EXOC3L4: variants seen among roughly 807,000 people sequenced by gnomAD.
EXOC3L4 encodes the protein exocyst complex component 3-like protein 4.
A neutral mutation model predicts 69.7 loss-of-function variants in EXOC3L4; 62 were observed. The observed-to-expected ratio is 0.89, with a 90% CI of 0.72 to 1.10. EXOC3L4 has a LOEUF of 1.10. Ranked by LOEUF, EXOC3L4 falls within the 50% of genes least tolerant of loss-of-function variation. The pLI is 0.00. For synonymous variants in EXOC3L4, 502 were observed against 464.2 expected (o/e 1.08, Z -1.05); for missense variants, 1,087 against 1,034.8 (o/e 1.05, Z -0.69).
chr14:103,108,306 G>A lies in EXOC3L4; in HGVS notation c.1855-90G>A, dbSNP rs1206367250. The A allele has an allele frequency of 7.2e-6, 11 of 1,535,218 alleles. No individual in the cohort carries two copies. In the East Asian group the frequency reaches 2.5e-4, roughly 35 times the overall value. Reference sequence around the variant, plus strand: ...ACAGGAGGGCTGACGCTGCGGGAGGGCTGACCTCGCACTGACCTCGCGCTC... The same window carrying A: ...ACAGGAGGGCTGACGCTGCGGGAGGACTGACCTCGCACTGACCTCGCGCTC... On this transcript the variant is annotated intron_variant, in intron 10 of 11. Transcript: ENST00000688303.
Position 103,103,789 on chromosome 14 carries a change from C to CGTGTGTGTGTGT in EXOC3L4, c.1050-151_1050-150insTGTGTGTGTGTG, listed in dbSNP as rs1434118475. On this transcript the variant is annotated intron_variant, in intron 3 of 11. Coordinates refer to ENST00000688303, the MANE Select transcript of EXOC3L4 (RefSeq NM_001077594.2). ...GGGGTGTGGCATGGCAGCCTAGAGG[C>CGTGTGTGTGTGT]GCGCGCGCGTGTGTGTGTGTGTGTG... 13 of 461,166 alleles carry CGTGTGTGTGTGT rather than the reference C, an allele frequency of 2.8e-5. No homozygotes were observed. In the African/African-American group the frequency reaches 3.2e-4, roughly 11 times the overall value. 28.6% of individuals were successfully genotyped at this position (461,166 alleles called of 1,614,324 possible).
chr14:103,104,643 C>T lies in EXOC3L4; in HGVS notation c.1285-95C>T, dbSNP rs71417838. 2.0e-4 allele frequency: 154 copies of T among 753,302 alleles called. 1 individual carries two copies. The highest frequency in any genetic ancestry group is 2.7e-4 in the Non-Finnish European group (149 of 561,424). 46.7% of individuals were successfully genotyped at this position (753,302 alleles called of 1,614,324 possible). ...GAGGGGCCAAGACTGACAGGCACAG[C>T]GGGGCGGGCTGGAGGCGCAGCGGGG... On this transcript the variant is annotated intron_variant, in intron 5 of 11. Coordinates refer to ENST00000688303, the MANE Select transcript of EXOC3L4 (RefSeq NM_001077594.2).
At chr14:103,096,728 C>T (rs1402114465) in intron 1 of EXOC3L4, among the ~76,000 whole-genome samples, 2 of 152,244 alleles carry the variant, frequency 1.3e-5, no homozygotes, top group African/African-American at 4.8e-5. Flanking sequence ...CCAGCTAGTT[C>T]TGTCTCAGTC....
chr14:103,102,044 T>C, intron 2 of EXOC3L4, 74 bp from the exon 3 acceptor site: 1 of 1,452,422 alleles, frequency 6.9e-7, no homozygotes, highest in Non-Finnish European at 9.3e-7. Context: ...GATTGAGCCG[T>C]GGCCTGCAGG....
intron 3 of EXOC3L4, 177 bp from the exon 4 acceptor site, chr14:103,103,764 G>C (rs1890352548): frequency 1.7e-5 from 9 of 530,222 alleles, no homozygotes; most frequent in Middle Eastern, 3.8e-4. Context: ...TTCCCGGGAG[G>C]GGGTGTGGCA....
chr14:103,110,469 G>C lies in EXOC3L4; in HGVS notation c.*246G>C, dbSNP rs1335419397. 11 of 636,242 alleles carry C rather than the reference G, an allele frequency of 1.7e-5. No homozygotes were observed. The highest frequency in any genetic ancestry group is 5.4e-5 in the African/African-American group (3 of 55,094). The allele number at this position is 636,242 out of a possible 1,614,324, so 39.4% of individuals were successfully genotyped here. On this transcript the variant is annotated 3_prime_UTR_variant, in exon 12 of 12. Transcript: ENST00000688303. Reference sequence around the variant, plus strand: ...GCTCTCAATGCTGCCTATCGGGCGGGGGGGGGCCTCCCGCCCGACTGTCCA... The same window carrying C: ...GCTCTCAATGCTGCCTATCGGGCGGCGGGGGGCCTCCCGCCCGACTGTCCA...
chr14:103,108,645 T>C, intron 11 of EXOC3L4, 128 bp downstream of exon 11: 1 of 1,313,446 alleles, frequency 7.6e-7, no homozygotes, highest in Non-Finnish European at 1.0e-6. Context: ...GAGGTAGGCC[T>C]TGGACCCTCA....
intron 10 of EXOC3L4, 102 bp downstream of exon 10, chr14:103,107,885 T>C: frequency 1.4e-6 from 2 of 1,401,590 alleles, no homozygotes; most frequent in Non-Finnish European, 1.9e-6. Context: ...GGAGTGGTTC[T>C]CCCCACTCTG....
chr14:103,110,305 C>T lies in EXOC3L4; in HGVS notation c.*82C>T. ...TCAGCCAGGAGCCCAGGGAGTCACT[C>T]TGGGCCCTGCCCCCAACTCTGACAC... On this transcript the variant is annotated 3_prime_UTR_variant, in exon 12 of 12. Coordinates refer to ENST00000688303, the MANE Select transcript of EXOC3L4 (RefSeq NM_001077594.2). 1 of 1,449,122 alleles carries T rather than the reference C, an allele frequency of 6.9e-7. No individual in the cohort carries two copies. Among genetic ancestry groups the T allele is most frequent in the Admixed American group, 2.0e-5 (1 of 48,870 alleles). The allele number at this position is 1,449,122 out of a possible 1,614,324, so 89.8% of individuals were successfully genotyped here. A position where few individuals can be genotyped will look rare whatever the true frequency, so the allele number is the denominator to read the frequency against.
Position 103,106,944 on chromosome 14 carries a change from G to T in EXOC3L4, c.1581+45G>T, listed in dbSNP as rs373163896. 6.4e-5 allele frequency: 92 copies of T among 1,441,246 alleles called. No homozygotes were observed. In the African/African-American group the frequency reaches 1.2e-3, roughly 18 times the overall value. 89.3% of individuals were successfully genotyped at this position (1,441,246 alleles called of 1,614,324 possible). A position where few individuals can be genotyped will look rare whatever the true frequency, so the allele number is the denominator to read the frequency against. On this transcript the variant is annotated intron_variant, in intron 8 of 11. Coordinates refer to ENST00000688303, the MANE Select transcript of EXOC3L4 (RefSeq NM_001077594.2). ...TCTCCCTACTTCCCATGCCCAGCAG[G>T]CACCCCCTATTTCCTAGAGCCTGGG...
intron 1 of EXOC3L4, among the ~76,000 whole-genome samples, chr14:103,095,472 A>C (rs1276738761): frequency 6.6e-5 from 10 of 151,914 alleles, no homozygotes; most frequent in Admixed American, 6.5e-4. Flanking sequence ...CTGAGCCTTC[A>C]ATGAGTTGAC....
rs1329298088 is a variant in EXOC3L4, at chr14:103,104,364, C to A, written c.1259C>A (p.Ala420Glu). 6.3e-7 allele frequency: 1 copy of A among 1,585,434 alleles called. No homozygotes were observed. Among genetic ancestry groups the A allele is most frequent in the Non-Finnish European group, 8.6e-7 (1 of 1,167,290 alleles). Residue 420 changes from alanine to glutamate, a missense_variant, in exon 5 of 12, where the codon GCG (alanine) becomes GAG (glutamate). Ala to Glu is a moderately radical substitution (Grantham distance 107). Coordinates refer to ENST00000688303, the MANE Select transcript of EXOC3L4 (RefSeq NM_001077594.2). ...GAGGTGCTGCAGGGCCTCTACCAGG[C>A]GCCGCTGTCCATGGACGTCCATATG... ...VPEVLQGLYQ[A>E]PLSMDVHMLV...
intron 1 of EXOC3L4, chr14:103,098,861 C>T (rs1457377989): frequency 6.6e-6 from 1 of 152,264 alleles, no homozygotes; most frequent in Non-Finnish European, 1.5e-5. Context: ...ACTTGACTGT[C>T]TCTCCTTCCT....
In EXOC3L4 at chr14:103,103,889, G is replaced by C. The variant is rs1199847512; in HGVS notation, c.1050-52G>C. On this transcript the variant is annotated intron_variant, in intron 3 of 11. Transcript: ENST00000688303. The stretch of plus-strand genomic sequence containing the variant: ...TGAGCCTGGCCAGAAGAGGGGCAGC[G>C]GCTGCCGCATCAGAGCCGCTCCCGC... 2.9e-5 allele frequency: 38 copies of C among 1,316,660 alleles called. No individual in the cohort carries two copies. The East Asian group carries it at 9.7e-4, about 33-fold the overall frequency. The allele number at this position is 1,316,660 out of a possible 1,614,324, so 81.6% of individuals were successfully genotyped here.
At chr14:103,103,362 A>AAAAAAAG (rs1340601092) in intron 3 of EXOC3L4, among the ~76,000 whole-genome samples, 12 of 149,756 alleles carry the variant, frequency 8.0e-5, no homozygotes, top group Non-Finnish European at 1.6e-4. Context: ...CTCAAAAAAA[A>AAAAAAAG]AAAAAAAAAG....
intron 9 of EXOC3L4, 37 bp downstream of exon 9, chr14:103,107,580 C>A (rs1209218379): frequency 1.2e-6 from 2 of 1,611,826 alleles, no homozygotes; most frequent in African/African-American, 2.7e-5. Flanking sequence ...GGGCTGTGCC[C>A]AGGATTGGGG....
Position 103,097,673 on chromosome 14 carries a change from C to T in EXOC3L4, c.-16-2531C>T, listed in dbSNP as rs1380842898. 2.0e-5 allele frequency among the ~76,000 whole-genome samples: 3 copies of T among 152,160 alleles called. No individual in the cohort carries two copies. Among genetic ancestry groups the T allele is most frequent in the Admixed American group, 1.3e-4 (2 of 15,286 alleles). On this transcript the variant is annotated intron_variant, in intron 1 of 11. Transcript: ENST00000688303. This position sits in a 1 kb window ranked among gnomAD's most constrained non-coding sequence, Gnocchi z 4.9. ...GGGCCACATCATCACAGGGACAGTG[C>T]CGAGTACCCACTGAGCAGATAGATG...
At chr14:103,104,638 C>A in intron 5 of EXOC3L4, 100 bp from the exon 6 acceptor site, 1 of 1,281,226 alleles carries the variant, frequency 7.8e-7, no homozygotes, top group Non-Finnish European at 1.0e-6. Flanking sequence ...GACTGACAGG[C>A]ACAGCGGGGC....
chr14:103,104,400 GGAGCAGGGGCT>G lies in EXOC3L4; in HGVS notation c.1284+15_1284+25del. 6.5e-7 allele frequency: 1 copy of G among 1,549,816 alleles called. No individual in the cohort carries two copies. The highest frequency in any genetic ancestry group is 8.7e-7 in the Non-Finnish European group (1 of 1,149,338). On this transcript the variant is annotated intron_variant, in intron 5 of 11. Coordinates refer to ENST00000688303, the MANE Select transcript of EXOC3L4 (RefSeq NM_001077594.2). ...ATGGACGTCCATATGGTGCGGCCCG[GGAGCAGGGGCT>G]GAGAAGGGGCGTCTGTTCAAGCCTC...
Sources: allele counts gnomAD v4.1 joint callset (sites outside exome capture counted in the v4.1 genomes callset), GRCh38; gene constraint gnomAD v4.1.1; non-coding constraint Gnocchi (gnomAD v3.1); transcripts MANE v1.5; gene names NCBI Gene and HGNC (gene_info 2026-07-23, HGNC 2026-07-21).